Variants in PPL observed in about 807,000 individuals in gnomAD.
PPL encodes 190 kDa paraneoplastic pemphigus antigen.
PPL carries 198 observed loss-of-function variants against 194.4 expected under a neutral mutation model. That is an observed-to-expected ratio of 1.02 (90% CI 0.91 to 1.15). PPL has a LOEUF of 1.15. Among genes scored for constraint, PPL ranks in the 50% most tolerant of loss-of-function variants. The pLI is 0.00. For synonymous variants in PPL, 1,220 were observed against 972.4 expected (o/e 1.25, Z -4.74); for missense variants, 2,885 against 2,294.8 (o/e 1.26, Z -5.25).
rs754936333 is a variant in PPL, at chr16:4,885,689, C to A, written c.2966G>T (p.Gly989Val). 2 of 1,613,114 alleles carry A rather than the reference C, an allele frequency of 1.2e-6. No homozygotes were observed. Among genetic ancestry groups the A allele is most frequent in the Non-Finnish European group, 8.5e-7 (1 of 1,179,884 alleles). Residue 989 changes from glycine (G) to valine (V), a missense_variant, in exon 22 of 22, where the codon GGG becomes GTG. Coordinates refer to ENST00000345988, the MANE Select transcript of PPL (RefSeq NM_002705.5). The surrounding 1 kb of genome is among the most constrained non-coding windows in gnomAD (Gnocchi z 6.3). Reference sequence around the variant, plus strand: ...GACCTCCTTGACCACGTACTCCTGCCCCCCGTCTCTGGTCTCCTGCTCCAG... The same window carrying A: ...GACCTCCTTGACCACGTACTCCTGCACCCCGTCTCTGGTCTCCTGCTCCAG... ...RALEQETRDGGQEYVVKEVLR... is the reference protein window; with the variant it reads ...RALEQETRDGVQEYVVKEVLR...
rs781468533 is a variant in PPL, at chr16:4,885,265, G to T, written c.3390C>A (p.Val1130=). ...VEKDAATERE[V]SDLTRQYEDE... is the part of the protein sequence containing the mutation. The stretch of plus-strand genomic sequence containing the variant: ...CCTCATATTGGCGGGTGAGATCGCT[G>T]ACCTCCCTCTCGGTGGCCGCGTCCT... The change falls in exon 22 of 22, where the codon GTC becomes GTA. Residue 1130 remains valine, a synonymous_variant. Coordinates refer to ENST00000345988, the MANE Select transcript of PPL (RefSeq NM_002705.5). The surrounding 1 kb of genome is among the most constrained non-coding windows in gnomAD (Gnocchi z 6.3). 2.5e-6 allele frequency: 4 copies of T among 1,612,366 alleles called. No individual in the cohort carries two copies. The highest frequency in any genetic ancestry group is 1.3e-5 in the African/African-American group (1 of 74,958).
chr16:4,917,000 T>C (rs2088931555), intron 1 of PPL, among the ~76,000 whole-genome samples: 1 of 151,944 alleles, frequency 6.6e-6, no homozygotes, highest in South Asian at 2.1e-4. Context: ...GGCGTGGTGG[T>C]ATGTGCCTGT....
rs766571492 is a variant in PPL at position 4,890,806 on chromosome 16, G to A, written c.2084C>T (p.Pro695Leu). 2.6e-5 allele frequency: 42 copies of A among 1,602,978 alleles called. No individual in the cohort carries two copies. The highest frequency in any genetic ancestry group is 1.1e-4 in the South Asian group (10 of 89,422). The stretch of plus-strand genomic sequence containing the variant: ...CTCGGCCTCCTGGCGCTCCAGGTCC[G>A]GACAGTGCTCCTGGAAGCGGCTGGC... ...TLASRFQEHC[P>L]DLERQEAEVH... is the part of the protein sequence containing the mutation. The change falls in exon 17 of 22, where the codon CCG becomes CTG. Residue 695 changes from proline to leucine, a missense_variant. Coordinates refer to ENST00000345988, the MANE Select transcript of PPL (RefSeq NM_002705.5).
chr16:4,911,835 G>C lies in PPL; in HGVS notation c.63-886C>G, dbSNP rs569389932. Among the ~76,000 whole-genome samples the C allele has an allele frequency of 2.0e-5, 3 of 152,006 alleles. No individual in the cohort carries two copies. In the East Asian group the frequency reaches 5.8e-4, roughly 29 times the overall value. ...TTACAGATGTCAGCCACCAGGCCCC[G>C]ACTACATATTTTTTTGTGAGAGATA... On this transcript the variant is annotated intron_variant, in intron 1 of 21. Coordinates refer to ENST00000345988, the MANE Select transcript of PPL (RefSeq NM_002705.5).
chr16:4,903,378 T>G (rs1353194950), intron 3 of PPL, among the ~76,000 whole-genome samples: 1 of 152,132 alleles, frequency 6.6e-6, no homozygotes, highest in Non-Finnish European at 1.5e-5. Context: ...TAAGCCTCCA[T>G]TTCCCCAACT....
chr16:4,919,969 G>C (rs1596580070), intron 1 of PPL, among the ~76,000 whole-genome samples: 1 of 151,552 alleles, frequency 6.6e-6, no homozygotes, highest in South Asian at 2.1e-4. Context: ...GTGGGGTGGG[G>C]GTAATCAGGG....
At chr16:4,898,303 G>A (rs1335393206) in intron 8 of PPL, among the ~76,000 whole-genome samples, 5 of 152,050 alleles carry the variant, frequency 3.3e-5, no homozygotes, top group South Asian at 2.1e-4. Flanking sequence ...GCTTGAACCC[G>A]GGAGGTGGAG....
intron 1 of PPL, among the ~76,000 whole-genome samples, chr16:4,930,744 G>T (rs2089216022): frequency 6.6e-6 from 1 of 152,186 alleles, no homozygotes; most frequent in Non-Finnish European, 1.5e-5. Context: ...AAGTGGAAGA[G>T]AAGCAGTGAA....
At position 4,937,137 on chromosome 16, in the gene PPL, G is replaced by GGAGCCCGGACTGCGGCGCGGC. The variant is rs545323168; in HGVS notation, c.-93_-92insGCCGCGCCGCAGTCCGGGCTC. ...CGCAGGTGAGCGAGCGGCGGCGCGG[G>GGAGCCCGGACTGCGGCGCGGC]GAGCCCGGACTGCGGCGCGGCAGTG... On this transcript the variant is annotated 5_prime_UTR_variant, in exon 1 of 22. Coordinates refer to ENST00000345988, the MANE Select transcript of PPL (RefSeq NM_002705.5). The GGAGCCCGGACTGCGGCGCGGC allele has an allele frequency of 6.5e-4, 594 of 912,606 alleles. 5 individuals are homozygous for GGAGCCCGGACTGCGGCGCGGC. In the African/African-American group the frequency reaches 9.4e-3, roughly 14 times the overall value. The allele number at this position is 912,606 out of a possible 1,614,324, so 56.5% of individuals were successfully genotyped here.
rs771779619 is a variant in PPL at position 4,894,559 on chromosome 16, C to T, written c.1302G>A (p.Glu434=). 18 of 1,613,878 alleles carry T rather than the reference C, an allele frequency of 1.1e-5. No individual in the cohort carries two copies. The Admixed American group carries it at 3.0e-4, about 27-fold the overall frequency. ...TLQKNNGESW[E]LMDSAGNKLI... is the part of the protein sequence containing the mutation. ...GCTTGTTCCCAGCGCTGTCCATGAG[C>T]TCCCAGCTCTCCCCGTTGTTCTTCT... Residue 434 remains glutamate, a synonymous_variant, in exon 12 of 22, where the codon GAG becomes GAA. Transcript: ENST00000345988.
At position 4,891,825 on chromosome 16, in the gene PPL, C is replaced by G. The variant is rs1408127870; in HGVS notation, c.1954G>C (p.Gly652Arg). 5 of 1,611,822 alleles carry G rather than the reference C, an allele frequency of 3.1e-6. No individual in the cohort carries two copies. Among genetic ancestry groups the G allele is most frequent in the Admixed American group, 1.7e-5 (1 of 59,786 alleles). Residue 652 changes from glycine to arginine, a missense_variant, in exon 16 of 22, where the codon GGG becomes CGG. By Grantham distance (125) the Gly-to-Arg change is moderately radical. Transcript: ENST00000345988. ...CCTAGACTCACCGCCAGCTCCTGCC[C>G]CTTGCTGTCCAGGACACGGCTGCTC... is the stretch of plus-strand genomic sequence containing the variant. ...PESSRVLDSK[G>R]QELAAMACEL...
intron 2 of PPL, among the ~76,000 whole-genome samples, chr16:4,904,934 TGTTC>T (rs2088653664): frequency 6.6e-6 from 1 of 152,180 alleles, no homozygotes; most frequent in South Asian, 2.1e-4. Flanking sequence ...ACAGGGCTTC[TGTTC>T]GTTTAGGGAA....
chr16:4,916,465 G>T (rs2088918549), intron 1 of PPL, among the ~76,000 whole-genome samples: 1 of 150,540 alleles, frequency 6.6e-6, no homozygotes, highest in African/African-American at 2.4e-5. Context: ...ACTTGCCTTG[G>T]CCTCCCAAAG....
chr16:4,897,625 C>G (rs1217934801), intron 9 of PPL, 50 bp downstream of exon 9: 18 of 1,484,550 alleles, frequency 1.2e-5, no homozygotes, highest in Non-Finnish European at 1.6e-5. Context: ...TGAGCGCTCT[C>G]AGAGAGTAGC....
At chr16:4,904,114 G>A (rs572355962) in intron 2 of PPL, 74 bp from the exon 3 acceptor site, 172 of 1,485,580 alleles carry the variant, frequency 1.2e-4, no homozygotes, top group Non-Finnish European at 1.5e-4. Flanking sequence ...AGGGGTGGGA[G>A]GAAAGGGGTC....
intron 2 of PPL, 97 bp downstream of exon 2, chr16:4,910,753 C>A (rs996111880): frequency 1.4e-5 from 16 of 1,106,390 alleles, no homozygotes; most frequent in African/African-American, 1.4e-4. Flanking sequence ...GCCACAATCA[C>A]CCCTGGGTGA....
intron 1 of PPL, among the ~76,000 whole-genome samples, chr16:4,925,328 C>T (rs2089136765): frequency 6.6e-6 from 1 of 152,184 alleles, no homozygotes; most frequent in South Asian, 2.1e-4. Flanking sequence ...GAAACATCTG[C>T]CCTGGCTCTG....
chr16:4,904,119 G>A, intron 2 of PPL, 79 bp from the exon 3 acceptor site: 1 of 1,429,204 alleles, frequency 7.0e-7, no homozygotes, highest in Non-Finnish European at 9.5e-7. Context: ...TGGGAGGAAA[G>A]GGGTCAGCAG....
Position 4,888,976 on chromosome 16 carries a change from A to G in PPL, c.2397+2T>C. On this transcript the variant is annotated splice_donor_variant, in intron 19 of 21. Coordinates refer to ENST00000345988, the MANE Select transcript of PPL (RefSeq NM_002705.5). LOFTEE classifies it high-confidence loss of function. ...GCTTTGGGCGGAAGTTTCCCGGCTC[A>G]CCTTTACAGCTTGCTGGTACTGCTG... is the stretch of plus-strand genomic sequence containing the variant. The G allele has an allele frequency of 6.2e-7, 1 of 1,612,914 alleles. No individual in the cohort carries two copies. The highest frequency in any genetic ancestry group is 8.5e-7 in the Non-Finnish European group (1 of 1,179,782).
Sources: gnomAD v4.1 joint callset for allele counts (sites outside exome capture counted in the v4.1 genomes callset) on GRCh38, gnomAD v4.1.1 for gene constraint, Gnocchi (gnomAD v3.1) non-coding constraint, MANE v1.5 for transcripts, NCBI Gene and HGNC (gene_info 2026-07-23, HGNC 2026-07-21) for gene names.